The following MS4A7 variants were observed in gnomAD, a reference collection of about 807,000 sequenced individuals.
The protein encoded by MS4A7 is membrane spanning 4-domains A7.
MS4A7 carries 21 observed loss-of-function variants against 23.5 expected under a neutral mutation model. The ratio of observed to expected loss-of-function variants is 0.89; its 90% confidence interval spans 0.63 to 1.29. MS4A7 has a LOEUF of 1.29. MS4A7 is among the 50% of genes most tolerant of loss of function. The probability of loss-of-function intolerance (pLI) is 0.00; values close to 1 mark genes in which losing one functional copy is unlikely to be tolerated. For synonymous variants in MS4A7, 111 were observed against 107.4 expected, an observed-to-expected ratio of 1.03 and a Z score of -0.21; for missense variants, 263 against 274.2, an observed-to-expected ratio of 0.96 and a Z score of 0.29.
rs1204752600 is a variant in MS4A7 at position 60,386,054 on chromosome 11, C to G, written c.283-663C>G. Among the ~76,000 whole-genome samples, 14 of 152,218 alleles carry G rather than the reference C, an allele frequency of 9.2e-5. No homozygotes were observed. The East Asian group carries it at 2.7e-3, about 29-fold the overall frequency. On this transcript the variant is annotated intron_variant, in intron 3 of 6. Transcript: ENST00000300184. ...TGGGCCCCACATCTCCTTAGAGAAG[C>G]TAGCGTTAGCTCATACTGGACCCTC...
At chr11:60,379,690 G>C (rs2085408981) in intron 1 of MS4A7, among the ~76,000 whole-genome samples, 1 of 152,048 alleles carries the variant, frequency 6.6e-6, no homozygotes, top group South Asian at 2.1e-4. Context: ...TCACCATCAT[G>C]CCTGGCTAAT....
chr11:60,390,028 G>A (rs1318747533), intron 5 of MS4A7: 1 of 216,154 alleles, frequency 4.6e-6, no homozygotes, highest in Non-Finnish European at 9.4e-6. Context: ...CCTTAAAGAT[G>A]CTTGTCTTCT....
At chr11:60,381,891 C>T (rs2085433781) in intron 1 of MS4A7, among the ~76,000 whole-genome samples, 1 of 152,010 alleles carries the variant, frequency 6.6e-6, no homozygotes, top group Non-Finnish European at 1.5e-5. Context: ...ACTCCCATCC[C>T]AGTGCACTTT....
At chr11:60,389,933 T>C (rs768562357) in intron 5 of MS4A7, 1 of 256,228 alleles carries the variant, frequency 3.9e-6, no homozygotes, top group Non-Finnish European at 7.6e-6. Flanking sequence ...TTCCTACTCA[T>C]CACAGGCAGA....
chr11:60,386,025 G>A (rs1160190326), intron 3 of MS4A7, among the ~76,000 whole-genome samples: 1 of 152,162 alleles, frequency 6.6e-6, no homozygotes. Flanking sequence ...GTAACCAGTG[G>A]TTGTGGGCCC....
In MS4A7 at chr11:60,385,138, G is replaced by A; in HGVS notation, c.198G>A (p.Leu66=). ...CLLISSLGAI[L]VFAPYPSHFN... ...TGATTTCAAGTCTGGGGGCCATCTT[G>A]GTTTTTGCTCCCTACCCCTCCCACT... Residue 66 remains leucine (L), a synonymous_variant, in exon 3 of 7, where the codon TTG becomes TTA. Transcript: ENST00000300184. 6.2e-7 allele frequency: 1 copy of A among 1,614,056 alleles called. No individual in the cohort carries two copies. The highest frequency in any genetic ancestry group is 1.3e-5 in the African/African-American group (1 of 75,028).
intron 1 of MS4A7, among the ~76,000 whole-genome samples, chr11:60,381,555 A>T (rs1370852817): frequency 6.6e-6 from 1 of 152,230 alleles, no homozygotes; most frequent in Non-Finnish European, 1.5e-5. Context: ...CCTTCAGGAT[A>T]GTGTCATTAT....
At chr11:60,382,071 T>C (rs1305780023) in intron 1 of MS4A7, among the ~76,000 whole-genome samples, 2 of 152,172 alleles carry the variant, frequency 1.3e-5, no homozygotes, top group Non-Finnish European at 2.9e-5. Context: ...TTAACTAAAC[T>C]CTGGCCTTCA....
At position 60,395,002 on chromosome 11, in the gene MS4A7, G is replaced by A; in HGVS notation, c.*1141G>A. On this transcript the variant is annotated 3_prime_UTR_variant, in exon 7 of 7. Transcript: ENST00000300184. ...ACAAGTTACAGATAATCTCTGACTG[G>A]CATGTTTTCTGCTTCTAGCTTGGAG... The A allele has an allele frequency of 1.6e-6, 1 of 629,232 alleles. No homozygotes were observed. The highest frequency in any genetic ancestry group is 1.9e-5 in the South Asian group (1 of 52,936). The allele number at this position is 629,232 out of a possible 1,614,324, so 39.0% of individuals were successfully genotyped here. A position where few individuals can be genotyped will look rare whatever the true frequency, so the allele number is the denominator to read the frequency against.
rs116830698 is a variant in MS4A7 at position 60,387,342 on chromosome 11, C to T, written c.339+569C>T. ...AGGCAAAGCAGAATAACTGGTTTAC[C>T]CTACTCTGTGACCGTGGTAACAAGT... is the stretch of plus-strand genomic sequence containing the variant. On this transcript the variant is annotated intron_variant, in intron 4 of 6. Transcript: ENST00000300184. Among the ~76,000 whole-genome samples the T allele has an allele frequency of 3.6e-3, 555 of 152,234 alleles. 2 individuals are homozygous for T. The highest frequency in any genetic ancestry group is 0.012 in the African/African-American group (492 of 41,548).
intron 4 of MS4A7, among the ~76,000 whole-genome samples, chr11:60,388,191 A>G (rs771625648): frequency 2.6e-5 from 4 of 152,140 alleles, no homozygotes; most frequent in Non-Finnish European, 5.9e-5. Flanking sequence ...TCTTTGTCCC[A>G]CTTGTGGAGC....
At chr11:60,385,332 G>C in intron 3 of MS4A7, 110 bp downstream of exon 3, 1 of 1,241,582 alleles carries the variant, frequency 8.1e-7, no homozygotes, top group African/African-American at 1.5e-5. Flanking sequence ...AGGCGGCAAG[G>C]CCTCGACTTT....
chr11:60,385,112 T>G lies in MS4A7; in HGVS notation c.172T>G (p.Leu58Val). Residue 58 changes from leucine (L) to valine (V), a missense_variant, in exon 3 of 7, where the codon TTG becomes GTG. Coordinates refer to ENST00000300184, the MANE Select transcript of MS4A7 (RefSeq NM_021201.5). Reference protein sequence around the residue: ...LGTVQILCCLLISSLGAILVF... With the variant: ...LGTVQILCCLVISSLGAILVF... ...GACTGTCCAGATCCTGTGTTGCCTG[T>G]TGATTTCAAGTCTGGGGGCCATCTT... 1 of 1,614,050 alleles carries G rather than the reference T, an allele frequency of 6.2e-7. No individual in the cohort carries two copies. The highest frequency in any genetic ancestry group is 8.5e-7 in the Non-Finnish European group (1 of 1,179,874).
chr11:60,394,914 CA>C lies in MS4A7; in HGVS notation c.*1054del, dbSNP rs1565170430. 1 of 603,674 alleles carries C rather than the reference CA, an allele frequency of 1.7e-6. No homozygotes were observed. Among genetic ancestry groups the C allele is most frequent in the Admixed American group, 2.3e-5 (1 of 43,300 alleles). The allele number at this position is 603,674 out of a possible 1,614,324, so 37.4% of individuals were successfully genotyped here. ...ATAAAAAAGAATATTCAGTCGTTGG[CA>C]CATAAACTATGTTCTCTTCTGTCAT... On this transcript the variant is annotated 3_prime_UTR_variant, in exon 7 of 7. Coordinates refer to ENST00000300184, the MANE Select transcript of MS4A7 (RefSeq NM_021201.5).
At chr11:60,393,450 T>C (rs2085575362) in intron 6 of MS4A7, among the ~76,000 whole-genome samples, 1 of 152,186 alleles carries the variant, frequency 6.6e-6, no homozygotes. Context: ...AATGTCTCTG[T>C]CCTGTTTATG....
intron 5 of MS4A7, among the ~76,000 whole-genome samples, chr11:60,391,279 A>C (rs1410400495): frequency 3.9e-5 from 6 of 152,246 alleles, no homozygotes; most frequent in Non-Finnish European, 8.8e-5. Flanking sequence ...CATATAAAAT[A>C]GGGGGACCTC....
rs765765430 is a variant in MS4A7, at chr11:60,385,130, G to A, written c.190G>A (p.Ala64Thr). Reference sequence around the variant, plus strand: ...TTGCCTGTTGATTTCAAGTCTGGGGGCCATCTTGGTTTTTGCTCCCTACCC... The same window carrying A: ...TTGCCTGTTGATTTCAAGTCTGGGGACCATCTTGGTTTTTGCTCCCTACCC... ...LCCLLISSLG[A>T]ILVFAPYPSH... is the part of the protein sequence containing the mutation. The change falls in exon 3 of 7, where the codon GCC becomes ACC. Residue 64 changes from alanine (A) to threonine (T), a missense_variant. Physicochemically the swap from Ala to Thr is moderately conservative, Grantham distance 58 (BLOSUM62 0). Transcript: ENST00000300184. 61 of 1,613,860 alleles carry A rather than the reference G, an allele frequency of 3.8e-5. No individual in the cohort carries two copies. The South Asian group carries it at 6.6e-4, about 17-fold the overall frequency.
intron 4 of MS4A7, chr11:60,389,097 G>T: frequency 3.0e-6 from 1 of 333,778 alleles, no homozygotes; most frequent in South Asian, 4.4e-5. Flanking sequence ...AGTGACCTGA[G>T]CAGCACTGTC....
rs1176648710 is a variant in MS4A7, at chr11:60,395,631, T to C, written c.*1770T>C. On this transcript the variant is annotated 3_prime_UTR_variant, in exon 7 of 7. Coordinates refer to ENST00000300184, the MANE Select transcript of MS4A7 (RefSeq NM_021201.5). ...GTTCAAACCAGGAAGGATTTGACTA[T>C]CATTAGATTTTGCTTAACTTTATGA... 1 of 152,210 alleles carries C rather than the reference T, an allele frequency of 6.6e-6. No homozygotes were observed. The highest frequency in any genetic ancestry group is 1.5e-5 in the Non-Finnish European group (1 of 68,026). 9.4% of individuals were successfully genotyped at this position (152,210 alleles called of 1,614,324 possible).
Sources: gnomAD v4.1 joint callset for allele counts (sites outside exome capture counted in the v4.1 genomes callset) on GRCh38, gnomAD v4.1.1 for gene constraint, MANE v1.5 for transcripts, NCBI Gene and HGNC (gene_info 2026-07-23, HGNC 2026-07-21) for gene names.